Variants in SYNE3 observed in about 807,000 individuals in gnomAD.
SYNE3 encodes nesprin-3.
A neutral mutation model predicts 111.2 loss-of-function variants in SYNE3; 100 were observed. The observed-to-expected ratio is 0.90, with a 90% confidence interval of 0.77 to 1.06. SYNE3 has a LOEUF of 1.06. SYNE3 is among the 50% of genes least tolerant of loss of function. SYNE3 has a pLI of 0.00. For synonymous variants in SYNE3, 547 were observed against 533.9 expected, an observed-to-expected ratio of 1.02 and a Z score of -0.34; for missense variants, 1,160 against 1,240.3, an observed-to-expected ratio of 0.94 and a Z score of 0.97.
In SYNE3 at chr14:95,436,876, T is replaced by C. The variant is rs754969110; in HGVS notation, c.2482A>G (p.Ile828Val). ...QVENSKLVRI[I>V]AMRTSTAEDL... ...TCAGCTGTAGAAGTTCTCATTGCGA[T>C]GATTCTAACCAGCTTGGAGTTTTCC... The change falls in exon 15 of 18, where the codon ATC becomes GTC. Residue 828 changes from isoleucine (I) to valine (V), a missense_variant. Ile to Val is a conservative substitution (Grantham distance 29, BLOSUM62 3). Transcript: ENST00000682763. 26 of 1,614,230 alleles carry C rather than the reference T, an allele frequency of 1.6e-5. No homozygotes were observed. The highest frequency in any genetic ancestry group is 2.0e-5 in the Non-Finnish European group (24 of 1,180,046).
intron 1 of SYNE3, among the ~76,000 whole-genome samples, chr14:95,498,994 G>C (rs1301822465): frequency 6.6e-6 from 1 of 152,150 alleles, no homozygotes; most frequent in Admixed American, 6.5e-5. Flanking sequence ...TTAATAACTG[G>C]CACCCCAGCC....
At position 95,410,871 on chromosome 14, in the gene SYNE3, T is replaced by G. The variant is rs1903416850; in HGVS notation, c.*6955A>C. The G allele has an allele frequency of 6.6e-6, 1 of 152,262 alleles. No homozygotes were observed. Among genetic ancestry groups the G allele is most frequent in the South Asian group, 2.1e-4 (1 of 4,832 alleles). The allele number at this position is 152,262 out of a possible 1,614,324, so 9.4% of individuals were successfully genotyped here. On this transcript the variant is annotated 3_prime_UTR_variant, in exon 18 of 18. Coordinates refer to ENST00000682763, the MANE Select transcript of SYNE3 (RefSeq NM_152592.6). Reference sequence around the variant, plus strand: ...AACGCTCCAGGGCTGACTTCCCTCCTTACCAATAGGTGGGGGGAGGTGGTA... The same window carrying G: ...AACGCTCCAGGGCTGACTTCCCTCCGTACCAATAGGTGGGGGGAGGTGGTA...
At chr14:95,456,517 A>ACATC (rs1463671728) in intron 5 of SYNE3, among the ~76,000 whole-genome samples, 1 of 152,190 alleles carries the variant, frequency 6.6e-6, no homozygotes, top group Non-Finnish European at 1.5e-5. Context: ...GGCAGTAGCA[A>ACATC]CATCCACCCC....
intron 14 of SYNE3, chr14:95,438,830 T>C: frequency 1.5e-6 from 1 of 647,810 alleles, no homozygotes; most frequent in South Asian, 2.1e-5. Context: ...CTGCAGACTC[T>C]GGGATCTCTG....
chr14:95,458,926 TCAAA>T (rs1845177946), intron 4 of SYNE3, among the ~76,000 whole-genome samples: 1 of 152,354 alleles, frequency 6.6e-6, no homozygotes, highest in Non-Finnish European at 1.5e-5. Flanking sequence ...TATTTAACAC[TCAAA>T]CAATCACAAA....
intron 1 of SYNE3, among the ~76,000 whole-genome samples, chr14:95,504,592 C>T (rs566712332): frequency 6.6e-6 from 1 of 152,330 alleles, no homozygotes; most frequent in Non-Finnish European, 1.5e-5. Flanking sequence ...TCTGCTGAAA[C>T]CATCTCCCCA....
chr14:95,482,233 A>T (rs906264438), intron 1 of SYNE3, among the ~76,000 whole-genome samples: 2 of 152,200 alleles, frequency 1.3e-5, no homozygotes, highest in Admixed American at 6.5e-5. Context: ...CAGGAGTTTG[A>T]GATCAGCCTG....
chr14:95,514,605 C>A (rs1168903228), intron 1 of SYNE3, among the ~76,000 whole-genome samples: 1 of 152,252 alleles, frequency 6.6e-6, no homozygotes, highest in Non-Finnish European at 1.5e-5. Context: ...CGAGGCAACA[C>A]CTGCCGTGCT....
intron 17 of SYNE3, among the ~76,000 whole-genome samples, chr14:95,428,223 A>G (rs1885546674): frequency 6.6e-6 from 1 of 152,146 alleles, no homozygotes; most frequent in Admixed American, 6.5e-5. Context: ...TTTGAACCAC[A>G]CAGGCTGGAG....
In SYNE3 at chr14:95,466,628, C is replaced by G. The variant is rs573013303; in HGVS notation, c.318-388G>C. Among the ~76,000 whole-genome samples the G allele has an allele frequency of 3.7e-3, 567 of 152,282 alleles. 2 individuals are homozygous for G. The highest frequency in any genetic ancestry group is 6.0e-3 in the Non-Finnish European group (408 of 68,024). ...CACCCCCAGTCATTTCTCTTTGGCACTGGGGCTCTAAACACAGTTTCTCCA... is the reference window on the plus strand; with the variant it reads ...CACCCCCAGTCATTTCTCTTTGGCAGTGGGGCTCTAAACACAGTTTCTCCA... On this transcript the variant is annotated intron_variant, in intron 3 of 17. Coordinates refer to ENST00000682763, the MANE Select transcript of SYNE3 (RefSeq NM_152592.6).
In SYNE3 at chr14:95,409,225, G is replaced by T. The variant is rs868242729; in HGVS notation, c.*8601C>A. 6.8e-5 allele frequency: 31 copies of T among 456,780 alleles called. No individual in the cohort carries two copies. Among genetic ancestry groups the T allele is most frequent in the African/African-American group, 3.6e-4 (18 of 50,214 alleles). 28.3% of individuals were successfully genotyped at this position (456,780 alleles called of 1,614,324 possible). A position where few individuals can be genotyped will look rare whatever the true frequency, so the allele number is the denominator to read the frequency against. ...TTTACCACTCCCCGCCTAGCTGGCT[G>T]CTCTGAGGCAGGCTGCTGACCCTCT... On this transcript the variant is annotated 3_prime_UTR_variant, in exon 18 of 18. Transcript: ENST00000682763.
rs570336243 is a variant in SYNE3, at chr14:95,408,670, C to T, written c.*9156G>A. ...CATGGAGATGTGTGTAGTACTCACACATGCTATGCTCACATACGCGTGCAT... is the reference window on the plus strand; with the variant it reads ...CATGGAGATGTGTGTAGTACTCACATATGCTATGCTCACATACGCGTGCAT... On this transcript the variant is annotated 3_prime_UTR_variant, in exon 18 of 18. Coordinates refer to ENST00000682763, the MANE Select transcript of SYNE3 (RefSeq NM_152592.6). 9.5e-5 allele frequency: 20 copies of T among 209,630 alleles called. No individual in the cohort carries two copies. The highest frequency in any genetic ancestry group is 4.3e-4 in the African/African-American group (19 of 44,000). 13.0% of individuals were successfully genotyped at this position (209,630 alleles called of 1,614,324 possible).
rs1003265645 is a variant in SYNE3, at chr14:95,420,836, T to A, written c.2728-2810A>T. ...GAGAAGGGGCTTCCTCAGGAAGTTA[T>A]AAGCTCCCTATCTGGTATGGTTTGG... is the stretch of plus-strand genomic sequence containing the variant. On this transcript the variant is annotated intron_variant, in intron 17 of 17. Transcript: ENST00000682763. Among the ~76,000 whole-genome samples the A allele has an allele frequency of 2.6e-5, 4 of 152,258 alleles. No homozygotes were observed. In the South Asian group the frequency reaches 8.3e-4, roughly 32 times the overall value.
At chr14:95,508,231 G>C (rs558164865) in intron 1 of SYNE3, among the ~76,000 whole-genome samples, 18 of 152,212 alleles carry the variant, frequency 1.2e-4, no homozygotes, top group Non-Finnish European at 2.1e-4. Context: ...ATCCTTCATT[G>C]GGCTGTTGTG....
At chr14:95,428,759 G>A (rs1033394875) in intron 17 of SYNE3, among the ~76,000 whole-genome samples, 2 of 152,170 alleles carry the variant, frequency 1.3e-5, no homozygotes, top group African/African-American at 4.8e-5. Context: ...AAACACACCC[G>A]CAGCAGTGAG....
chr14:95,509,754 T>C (rs1423563530), intron 1 of SYNE3, among the ~76,000 whole-genome samples: 1 of 152,222 alleles, frequency 6.6e-6, no homozygotes, highest in Non-Finnish European at 1.5e-5. Flanking sequence ...CAACCAGCCA[T>C]GGTGGCCCAC....
At chr14:95,478,198 A>C (rs1889006699) in intron 1 of SYNE3, among the ~76,000 whole-genome samples, 1 of 152,216 alleles carries the variant, frequency 6.6e-6, no homozygotes, top group Non-Finnish European at 1.5e-5. Flanking sequence ...CCTCCTCTGC[A>C]ATTCTGCCTA....
intron 17 of SYNE3, among the ~76,000 whole-genome samples, chr14:95,423,074 G>C (rs1315830586): frequency 1.3e-5 from 2 of 152,224 alleles, no homozygotes; most frequent in African/African-American, 4.8e-5. Context: ...GGACACGATG[G>C]CAGTGGCTGG....
chr14:95,454,190 G>A (rs1322573858), intron 6 of SYNE3, among the ~76,000 whole-genome samples: 1 of 152,250 alleles, frequency 6.6e-6, no homozygotes, highest in East Asian at 1.9e-4. Context: ...GTCCCAGGGG[G>A]GATGGATCCA....
Sources: gnomAD v4.1 joint callset for allele counts (sites outside exome capture counted in the v4.1 genomes callset) on GRCh38, gnomAD v4.1.1 for gene constraint, MANE v1.5 for transcripts, NCBI Gene and HGNC (gene_info 2026-07-23, HGNC 2026-07-21) for gene names.